The following TEX26 variants were observed in gnomAD, a reference collection of about 807,000 sequenced individuals.
The protein encoded by TEX26 is testis expressed 26.
Under a neutral mutation model 35.3 loss-of-function variants are expected in TEX26, and 34 were observed. The ratio of observed to expected loss-of-function variants is 0.96; its 90% CI spans 0.73 to 1.28. The LOEUF (loss-of-function observed/expected upper bound fraction) is 1.28. Among genes scored for constraint, TEX26 ranks in the 50% most tolerant of loss-of-function variants. The probability of loss-of-function intolerance (pLI) is 0.00; values close to 1 mark genes in which losing one functional copy is unlikely to be tolerated. For synonymous variants in TEX26, 136 were observed against 111.8 expected, an observed-to-expected ratio of 1.22 and a Z score of -1.36; for missense variants, 371 against 330.1, an observed-to-expected ratio of 1.12 and a Z score of -0.96.
chr13:30,936,192 T>C (rs1732213700), intron 1 of TEX26, among the ~76,000 whole-genome samples: 1 of 152,204 alleles, frequency 6.6e-6, no homozygotes, highest in African/African-American at 2.4e-5. Context: ...AAATAATATA[T>C]GTGAAAATAT....
chr13:30,959,217 T>C (rs1253429864), intron 4 of TEX26, among the ~76,000 whole-genome samples: 2 of 152,224 alleles, frequency 1.3e-5, no homozygotes, highest in African/African-American at 4.8e-5. Context: ...ACTTAAATGA[T>C]TACTTACAGG....
intron 2 of TEX26, among the ~76,000 whole-genome samples, chr13:30,949,005 C>T (rs1593559068): frequency 2.6e-5 from 4 of 152,274 alleles, no homozygotes; most frequent in Admixed American, 1.3e-4. Flanking sequence ...GGAATCCTTT[C>T]CCCATTGCTT....
In TEX26 at chr13:30,939,864, G is replaced by A. The variant is rs1593536968; in HGVS notation, c.146+86G>A. On this transcript the variant is annotated intron_variant, in intron 2 of 6. Coordinates refer to ENST00000380473, the MANE Select transcript of TEX26 (RefSeq NM_152325.3). ...GACTCAGAATCCAAACACATAGACA[G>A]TAATTAGAGAAGCTTCGTAAAAATG... 1.1e-5 allele frequency: 14 copies of A among 1,227,726 alleles called. No individual in the cohort carries two copies. The East Asian group carries it at 2.4e-4, about 21-fold the overall frequency. 76.1% of individuals were successfully genotyped at this position (1,227,726 alleles called of 1,614,324 possible).
intron 3 of TEX26, among the ~76,000 whole-genome samples, chr13:30,953,351 C>T (rs1954003019): frequency 1.3e-5 from 2 of 152,214 alleles, no homozygotes; most frequent in African/African-American, 2.4e-5. Context: ...AAGAAATTAT[C>T]TGACTAGAAA....
intron 2 of TEX26, among the ~76,000 whole-genome samples, chr13:30,944,092 T>A (rs1953613037): frequency 6.6e-6 from 1 of 152,028 alleles, no homozygotes; most frequent in Admixed American, 6.5e-5. Flanking sequence ...CCCTGGCTTT[T>A]TTTGAAGTCG....
intron 2 of TEX26, among the ~76,000 whole-genome samples, chr13:30,951,617 C>G (rs1397605931): frequency 6.6e-6 from 1 of 152,144 alleles, no homozygotes; most frequent in African/African-American, 2.4e-5. Flanking sequence ...TCGTTAGATA[C>G]TGTTATCTGT....
At chr13:30,943,979 C>T (rs897955337) in intron 2 of TEX26, among the ~76,000 whole-genome samples, 2 of 151,858 alleles carry the variant, frequency 1.3e-5, no homozygotes, top group Non-Finnish European at 2.9e-5. Flanking sequence ...TAAAATGAGT[C>T]GGAGAGGATT....
In TEX26 at chr13:30,962,359, C is replaced by T. The variant is rs572401445; in HGVS notation, c.470-3863C>T. Among the ~76,000 whole-genome samples, 5 of 152,320 alleles carry T rather than the reference C, an allele frequency of 3.3e-5. No homozygotes were observed. In the East Asian group the frequency reaches 7.7e-4, roughly 24 times the overall value. On this transcript the variant is annotated intron_variant, in intron 4 of 6. Transcript: ENST00000380473. ...ACCCTCATGACCTTGCCAGCCGTCCCGACTAACAGCCTCCGCATACCTCCA... is the reference window on the plus strand; with the variant it reads ...ACCCTCATGACCTTGCCAGCCGTCCTGACTAACAGCCTCCGCATACCTCCA...
Position 30,966,268 on chromosome 13 carries a change from G to A in TEX26, c.516G>A (p.Lys172=). The A allele has an allele frequency of 2.5e-6, 4 of 1,614,006 alleles. No individual in the cohort carries two copies. The highest frequency in any genetic ancestry group is 3.4e-6 in the Non-Finnish European group (4 of 1,180,000). ...CTCACTTGTCTCTGGAATGGAAAAAGTTACTTCCCCAACCTCCAGACACTG... is the reference window on the plus strand; with the variant it reads ...CTCACTTGTCTCTGGAATGGAAAAAATTACTTCCCCAACCTCCAGACACTG... The part of the protein sequence containing the change: ...KSSHLSLEWK[K]LLPQPPDTEF... The change falls in exon 5 of 7, where the codon AAG becomes AAA. Residue 172 remains lysine (K), a synonymous_variant. Coordinates refer to ENST00000380473, the MANE Select transcript of TEX26 (RefSeq NM_152325.3).
At position 30,957,063 on chromosome 13, in the gene TEX26, C is replaced by A; in HGVS notation, c.469+34C>A. 1.9e-6 allele frequency: 3 copies of A among 1,602,912 alleles called. No homozygotes were observed. In the South Asian group the frequency reaches 3.3e-5, roughly 18 times the overall value. The stretch of plus-strand genomic sequence containing the variant: ...TTTTGTTTTTCTTTTTTTCCTGGGT[C>A]ATGTGGTAGGCCCTGGAGTTGCAGT... On this transcript the variant is annotated intron_variant, in intron 4 of 6. Transcript: ENST00000380473.
chr13:30,966,490 T>C, intron 5 of TEX26, 92 bp downstream of exon 5: 2 of 1,201,638 alleles, frequency 1.7e-6, no homozygotes, highest in Non-Finnish European at 2.2e-6. Flanking sequence ...CAGGCTGGAG[T>C]GCAGTGGCAC....
At position 30,937,466 on chromosome 13, in the gene TEX26, T is replaced by A. The variant is rs114072583; in HGVS notation, c.62-2228T>A. Among the ~76,000 whole-genome samples, 1,350 of 152,220 alleles carry A rather than the reference T, an allele frequency of 8.9e-3. 27 individuals are homozygous for A. The highest frequency in any genetic ancestry group is 0.03 in the African/African-American group (1,256 of 41,526). On this transcript the variant is annotated intron_variant, in intron 1 of 6. Transcript: ENST00000380473. The stretch of plus-strand genomic sequence containing the variant: ...TTTTGTGCAGAATATCCTTCCTGAT[T>A]GTTCCGAAAGTCCAATGCCGAAGTT...
At chr13:30,933,091 G>A (rs1216852847) in intron 1 of TEX26, 1 of 276,114 alleles carries the variant, frequency 3.6e-6, no homozygotes, top group Non-Finnish European at 6.9e-6. Flanking sequence ...GGAAAACAGG[G>A]CCAAAGGCAA....
rs753018964 is a variant in TEX26 at position 30,952,841 on chromosome 13, C to T, written c.312+16C>T. 3.3e-5 allele frequency: 53 copies of T among 1,606,394 alleles called. No homozygotes were observed. The highest frequency in any genetic ancestry group is 4.1e-5 in the Non-Finnish European group (48 of 1,175,296). ...TCTCAATGAAGTAAGATAATATCTACATATGTGTTGAATTTAATACTGTAC... is the reference window on the plus strand; with the variant it reads ...TCTCAATGAAGTAAGATAATATCTATATATGTGTTGAATTTAATACTGTAC... On this transcript the variant is annotated intron_variant, in intron 3 of 6. Coordinates refer to ENST00000380473, the MANE Select transcript of TEX26 (RefSeq NM_152325.3).
At chr13:30,962,021 C>A (rs529692856) in intron 4 of TEX26, among the ~76,000 whole-genome samples, 12 of 152,244 alleles carry the variant, frequency 7.9e-5, no homozygotes, top group Admixed American at 2.6e-4. Context: ...GAGTGAAAGC[C>A]TCATGAGCAT....
chr13:30,934,699 C>T (rs575561646), intron 1 of TEX26, among the ~76,000 whole-genome samples: 3 of 152,150 alleles, frequency 2.0e-5, no homozygotes, highest in East Asian at 1.9e-4. Context: ...CCATGGAGCC[C>T]GTGGGAGCTG....
chr13:30,942,177 G>T (rs781023534), intron 2 of TEX26, among the ~76,000 whole-genome samples: 18 of 151,974 alleles, frequency 1.2e-4, no homozygotes, highest in Non-Finnish European at 2.6e-4. Flanking sequence ...GCATCTATTG[G>T]TTTTTTGACT....
intron 2 of TEX26, among the ~76,000 whole-genome samples, chr13:30,943,608 G>T (rs535618458): frequency 1.4e-4 from 21 of 152,098 alleles, no homozygotes; most frequent in Non-Finnish European, 3.1e-4. Context: ...TTTTGTCATA[G>T]ATGGCTCTAA....
intron 4 of TEX26, among the ~76,000 whole-genome samples, chr13:30,960,311 T>C (rs1375815114): frequency 6.6e-6 from 1 of 152,150 alleles, no homozygotes; most frequent in Admixed American, 6.5e-5. Context: ...TGTGTGATCT[T>C]GGCTCACTGC....
Sources: allele counts gnomAD v4.1 joint callset (sites outside exome capture counted in the v4.1 genomes callset), GRCh38; gene constraint gnomAD v4.1.1; transcripts MANE v1.5; gene names NCBI Gene and HGNC (gene_info 2026-07-23, HGNC 2026-07-21).